Variants in CNPY3 observed in about 807,000 individuals in gnomAD.
CNPY3 encodes protein canopy homolog 3.
In CNPY3, 20 loss-of-function variants were observed where a neutral mutation model predicts 32.0. That is an observed-to-expected ratio of 0.63 (90% CI 0.44 to 0.91). The LOEUF (loss-of-function observed/expected upper bound fraction) is 0.91, where lower values mean the gene tolerates loss of function less well. Ranked by LOEUF, CNPY3 falls within the 40% of genes least tolerant of loss-of-function variation. The probability of loss-of-function intolerance (pLI) is 0.00; values close to 1 mark genes in which losing one functional copy is unlikely to be tolerated. For synonymous variants in CNPY3, 138 were observed against 142.9 expected, an observed-to-expected ratio of 0.97 and a Z score of 0.24; for missense variants, 299 against 340.8, an observed-to-expected ratio of 0.88 and a Z score of 0.97.
At chr6:42,936,174 T>G (rs901348356) in intron 3 of CNPY3, among the ~76,000 whole-genome samples, 2 of 152,194 alleles carry the variant, frequency 1.3e-5, no homozygotes, top group African/African-American at 4.8e-5. Flanking sequence ...AGGCCCATAG[T>G]TCTTACTCTC....
intron 1 of CNPY3, among the ~76,000 whole-genome samples, chr6:42,932,662 C>T (rs185527123): frequency 4.6e-5 from 7 of 152,258 alleles, no homozygotes; most frequent in African/African-American, 1.4e-4. Flanking sequence ...GCACAGAGTA[C>T]AGGACAGAAG....
chr6:42,934,379 C>A, intron 1 of CNPY3, 96 bp from the exon 2 acceptor site: 1 of 1,513,762 alleles, frequency 6.6e-7, no homozygotes, highest in Non-Finnish European at 9.1e-7. Flanking sequence ...GTCCTCCAGT[C>A]TAGGAAAGGA....
In CNPY3 at chr6:42,938,872, G is replaced by T. The variant is rs1231524105; in HGVS notation, c.*81G>T. Reference sequence around the variant, plus strand: ...GGCATGGCTCTGGCAGGCCGGGATGGCCCCGCAGCCTTCAGCCCCTCCTTG... The same window carrying T: ...GGCATGGCTCTGGCAGGCCGGGATGTCCCCGCAGCCTTCAGCCCCTCCTTG... On this transcript the variant is annotated 3_prime_UTR_variant, in exon 6 of 6. Transcript: ENST00000372836. The T allele has an allele frequency of 1.4e-6, 2 of 1,462,752 alleles. No homozygotes were observed. The highest frequency in any genetic ancestry group is 1.4e-5 in the South Asian group (1 of 69,338). 90.6% of individuals were successfully genotyped at this position (1,462,752 alleles called of 1,614,324 possible).
Position 42,939,223 on chromosome 6 carries a change from C to A in CNPY3, c.*432C>A. On this transcript the variant is annotated 3_prime_UTR_variant, in exon 6 of 6. Coordinates refer to ENST00000372836, the MANE Select transcript of CNPY3 (RefSeq NM_006586.5). ...TGTGGACACCTTGCACTCTGCCTGG[C>A]CCTTCCCAGAGCCCAAAGAGTAAAA... 1 of 995,726 alleles carries A rather than the reference C, an allele frequency of 1.0e-6. No individual in the cohort carries two copies. The highest frequency in any genetic ancestry group is 1.2e-6 in the Non-Finnish European group (1 of 837,352). The allele number at this position is 995,726 out of a possible 1,614,324, so 61.7% of individuals were successfully genotyped here. A position where few individuals can be genotyped will look rare whatever the true frequency, so the allele number is the denominator to read the frequency against.
rs190137809 is a variant in CNPY3 at position 42,931,433 on chromosome 6, C to T, written c.151+1712C>T. On this transcript the variant is annotated intron_variant, in intron 1 of 5. Coordinates refer to ENST00000372836, the MANE Select transcript of CNPY3 (RefSeq NM_006586.5). ...CTGCCCAGTCTGGAGTGCAGTGGTG[C>T]GACCTTGACTCGCTGCAACCTCCGT... Among the ~76,000 whole-genome samples the T allele has an allele frequency of 7.6e-4, 112 of 147,578 alleles. 1 individual carries two copies. The highest frequency in any genetic ancestry group is 2.6e-3 in the African/African-American group (103 of 39,228).
chr6:42,932,426 G>A (rs556028710), intron 1 of CNPY3, among the ~76,000 whole-genome samples: 39 of 152,314 alleles, frequency 2.6e-4, no homozygotes, highest in East Asian at 9.6e-4. Flanking sequence ...AAAAGAGTGG[G>A]TGGATGTCAG....
chr6:42,937,511 T>G (rs1768315438), intron 3 of CNPY3, among the ~76,000 whole-genome samples: 1 of 151,964 alleles, frequency 6.6e-6, no homozygotes, highest in African/African-American at 2.4e-5. Flanking sequence ...GGAAAATCGC[T>G]TGAACCTGGG....
intron 4 of CNPY3, 82 bp from the exon 5 acceptor site, chr6:42,938,008 T>C: frequency 1.4e-6 from 2 of 1,463,726 alleles, no homozygotes; most frequent in Non-Finnish European, 1.9e-6. Flanking sequence ...TACCTTGCAG[T>C]GGGTTGCGAG....
rs1767600615 is a variant in CNPY3, at chr6:42,929,546, T to G, written c.-25T>G. 6.4e-7 allele frequency: 1 copy of G among 1,556,098 alleles called. No homozygotes were observed. The highest frequency in any genetic ancestry group is 1.4e-5 in the African/African-American group (1 of 73,972). ...CGCGGGAGGAGGAACCGCCCGGTCCTTTAGGGTCCGGGCCCGGCCGGGCCA... is the reference window on the plus strand; with the variant it reads ...CGCGGGAGGAGGAACCGCCCGGTCCGTTAGGGTCCGGGCCCGGCCGGGCCA... On this transcript the variant is annotated 5_prime_UTR_variant, in exon 1 of 6. Coordinates refer to ENST00000372836, the MANE Select transcript of CNPY3 (RefSeq NM_006586.5).
upstream of CNPY3, chr6:42,929,380 GC>G: frequency 3.2e-6 from 2 of 620,408 alleles, no homozygotes; most frequent in Non-Finnish European, 5.5e-6. Flanking sequence ...TATTGGCTGC[GC>G]CGTCCGCGGG....
At chr6:42,932,386 G>A (rs1468557280) in intron 1 of CNPY3, among the ~76,000 whole-genome samples, 2 of 152,132 alleles carry the variant, frequency 1.3e-5, no homozygotes, top group Non-Finnish European at 2.9e-5. Flanking sequence ...AACAGGCCTC[G>A]GCACAGAGGA....
intron 1 of CNPY3, among the ~76,000 whole-genome samples, chr6:42,933,508 A>G (rs538414331): frequency 1.4e-4 from 21 of 152,316 alleles, no homozygotes; most frequent in African/African-American, 4.6e-4. Flanking sequence ...AATAGAGCTG[A>G]TGTTGGAACA....
At chr6:42,934,038 G>C (rs750819777) in intron 1 of CNPY3, among the ~76,000 whole-genome samples, 7 of 152,014 alleles carry the variant, frequency 4.6e-5, no homozygotes, top group Non-Finnish European at 5.9e-5. Context: ...GCATGGTGGT[G>C]CATGCCTGTA....
At chr6:42,932,610 C>T (rs968932905) in intron 1 of CNPY3, among the ~76,000 whole-genome samples, 1 of 151,882 alleles carries the variant, frequency 6.6e-6, no homozygotes, top group Admixed American at 6.6e-5. Flanking sequence ...CTGGGGAGGG[C>T]GTGGGAGGAG....
At chr6:42,932,634 TA>T (rs1767912677) in intron 1 of CNPY3, among the ~76,000 whole-genome samples, 1 of 151,992 alleles carries the variant, frequency 6.6e-6, no homozygotes, top group Non-Finnish European at 1.5e-5. Context: ...CAAGTGGTGC[TA>T]GAAAAATGAT....
chr6:42,929,788 A>G, intron 1 of CNPY3, 67 bp downstream of exon 1: 1 of 1,486,712 alleles, frequency 6.7e-7, no homozygotes, highest in Non-Finnish European at 9.0e-7. Context: ...GTGCTTGCGG[A>G]GCAGCGTCGG....
intron 1 of CNPY3, among the ~76,000 whole-genome samples, chr6:42,930,769 T>G (rs988250646): frequency 6.6e-6 from 1 of 152,220 alleles, no homozygotes; most frequent in Non-Finnish European, 1.5e-5. Context: ...GGGGTAAGTT[T>G]CGGACACATA....
chr6:42,929,686 A>G lies in CNPY3; in HGVS notation c.116A>G (p.Glu39Gly), dbSNP rs1767627252. ...ELGPSQAGAE[E>G]NDWVRLPSKC... ...GGCCCGAGCCAGGCCGGAGCTGAGG[A>G]GAACGACTGGGTTCGCCTGCCCAGC... The change falls in exon 1 of 6, where the codon GAG becomes GGG. Residue 39 changes from glutamate (E) to glycine (G), a missense_variant. This residue lies in a region of CNPY3 where 88 missense variants were observed against 62.5 expected (regional missense o/e 1.41). Coordinates refer to ENST00000372836, the MANE Select transcript of CNPY3 (RefSeq NM_006586.5). The G allele has an allele frequency of 1.9e-6, 3 of 1,551,206 alleles. No individual in the cohort carries two copies. Among genetic ancestry groups the G allele is most frequent in the Non-Finnish European group, 2.6e-6 (3 of 1,147,130 alleles).
rs1416573249 is a variant in CNPY3 at position 42,929,834 on chromosome 6, C to T, written c.151+113C>T. The T allele has an allele frequency of 1.1e-5, 14 of 1,251,972 alleles. No individual in the cohort carries two copies. The Admixed American group carries it at 1.1e-4, about 10-fold the overall frequency. 77.6% of individuals were successfully genotyped at this position (1,251,972 alleles called of 1,614,324 possible). A position where few individuals can be genotyped will look rare whatever the true frequency, so the allele number is the denominator to read the frequency against. Reference sequence around the variant, plus strand: ...GTTCCGAGCTCTGCAGGGTGTCTTCCTTCCTTGAACAGGCTTGCGCCGGGA... The same window carrying T: ...GTTCCGAGCTCTGCAGGGTGTCTTCTTTCCTTGAACAGGCTTGCGCCGGGA... On this transcript the variant is annotated intron_variant, in intron 1 of 5. Coordinates refer to ENST00000372836, the MANE Select transcript of CNPY3 (RefSeq NM_006586.5).
Sources: allele counts gnomAD v4.1 joint callset (sites outside exome capture counted in the v4.1 genomes callset), GRCh38; gene constraint gnomAD v4.1.1; regional missense constraint gnomAD v4.1.1; transcripts MANE v1.5; gene names NCBI Gene and HGNC (gene_info 2026-07-23, HGNC 2026-07-21).